MED1: variants seen among roughly 807,000 people sequenced by gnomAD.
MED1 encodes mediator complex subunit 1.
In MED1, 17 loss-of-function variants were observed where a neutral mutation model predicts 121.3. That is an observed-to-expected ratio of 0.14 (90% confidence interval 0.10 to 0.21). The LOEUF (loss-of-function observed/expected upper bound fraction) is 0.21, where lower values mean the gene tolerates loss of function less well. Among genes scored for constraint, MED1 ranks in the 10% least tolerant of loss-of-function variants. MED1 has a pLI of 1.00. For synonymous variants in MED1, 661 were observed against 694.4 expected (o/e 0.95, Z 0.76); for missense variants, 1,558 against 1,919.4 (o/e 0.81, Z 3.52).
intron 14 of MED1, among the ~76,000 whole-genome samples, chr17:39,415,944 C>A (rs2048405525): frequency 6.8e-6 from 1 of 147,746 alleles, no homozygotes; most frequent in South Asian, 2.1e-4. Flanking sequence ...GAGCCGAGAT[C>A]ATGTCACTGA....
At chr17:39,412,833 C>T (rs2048370009) in intron 16 of MED1, among the ~76,000 whole-genome samples, 1 of 152,056 alleles carries the variant, frequency 6.6e-6, no homozygotes, top group Non-Finnish European at 1.5e-5. Flanking sequence ...CCGCACCCGG[C>T]CGCAAATTTT....
At position 39,427,794 on chromosome 17, in the gene MED1, T is replaced by C; in HGVS notation, c.650-4A>G. 8.4e-6 allele frequency: 13 copies of C among 1,546,238 alleles called. No individual in the cohort carries two copies. Among genetic ancestry groups the C allele is most frequent in the Non-Finnish European group, 1.2e-5 (13 of 1,125,474 alleles). On this transcript the variant is annotated splice_region_variant and splice_polypyrimidine_tract_variant and intron_variant, in intron 9 of 16. Coordinates refer to ENST00000300651, the MANE Select transcript of MED1 (RefSeq NM_004774.4). ...TACTTCAGGTTCATTAAATGACCTA[T>C]AAAAAATAAAACTCATAACTGTATC...
chr17:39,438,169 C>G (rs191725385), intron 6 of MED1, among the ~76,000 whole-genome samples: 18 of 149,942 alleles, frequency 1.2e-4, no homozygotes, highest in Non-Finnish European at 2.2e-4. Context: ...GAAACCTCGT[C>G]TCTATTTTTT....
intron 7 of MED1, among the ~76,000 whole-genome samples, chr17:39,432,451 A>G (rs780134962): frequency 1.3e-5 from 2 of 151,890 alleles, no homozygotes; most frequent in African/African-American, 2.4e-5. Flanking sequence ...AAATATATAT[A>G]TATTTTTAAA....
At position 39,451,035 on chromosome 17, in the gene MED1, T is replaced by C; in HGVS notation, c.25+3A>G. ...CCCCCTCCTTTCCCCTACAGTCACT[T>C]ACCCTCGGTTTCCCCCTGAGCTTTC... On this transcript the variant is annotated splice_donor_region_variant and intron_variant, in intron 1 of 16. Transcript: ENST00000300651. 6.2e-7 allele frequency: 1 copy of C among 1,611,518 alleles called. No homozygotes were observed. Among genetic ancestry groups the C allele is most frequent in the South Asian group, 1.1e-5 (1 of 90,596 alleles).
In MED1 at chr17:39,405,634, A is replaced by C; in HGVS notation, c.*1841T>G. ...TCCTTAGTGTCACCCAAGACATTTG[A>C]CTCTGATGTGGTTAATTGATAACTT... On this transcript the variant is annotated 3_prime_UTR_variant, in exon 17 of 17. Transcript: ENST00000300651. The C allele has an allele frequency of 9.2e-7, 1 of 1,082,992 alleles. No homozygotes were observed. Among genetic ancestry groups the C allele is most frequent in the East Asian group, 6.0e-5 (1 of 16,630 alleles). 67.1% of individuals were successfully genotyped at this position (1,082,992 alleles called of 1,614,324 possible). A position where few individuals can be genotyped will look rare whatever the true frequency, so the allele number is the denominator to read the frequency against.
chr17:39,417,150 C>A (rs916949544), intron 14 of MED1, among the ~76,000 whole-genome samples: 1 of 151,574 alleles, frequency 6.6e-6, no homozygotes, highest in Admixed American at 6.6e-5. Context: ...GCCAACTCGA[C>A]GAAACCCCGT....
rs748472763 is a variant in MED1 at position 39,447,829 on chromosome 17, C to T, written c.101G>A (p.Ser34Asn). 22 of 1,613,648 alleles carry T rather than the reference C, an allele frequency of 1.4e-5. No homozygotes were observed. Among genetic ancestry groups the T allele is most frequent in the Admixed American group, 1.2e-4 (7 of 59,962 alleles). The change falls in exon 2 of 17, where the codon AGT (serine) becomes AAT (asparagine). Residue 34 changes from serine to asparagine, a missense_variant. This residue lies in a region of MED1 where 443 missense variants were observed against 532.4 expected (regional missense o/e 0.83). Transcript: ENST00000300651. ...HAKFNQNRPW[S>N]ETIKLVRQVM... ...TTGACGCACAAGCTTAATGGTTTCA[C>T]TCCAGGGTCTATTTTGGTTAAATTT...
At chr17:39,410,886 A>C (rs1392941882) in intron 16 of MED1, among the ~76,000 whole-genome samples, 165 bp from the exon 17 acceptor site, 1 of 152,256 alleles carries the variant, frequency 6.6e-6, no homozygotes, top group Non-Finnish European at 1.5e-5. Flanking sequence ...GGGTAAATAC[A>C]TTCTAAAAAT....
At chr17:39,416,034 G>A (rs1381102689) in intron 14 of MED1, among the ~76,000 whole-genome samples, 1 of 149,404 alleles carries the variant, frequency 6.7e-6, no homozygotes, top group African/African-American at 2.4e-5. Flanking sequence ...TTCCTTAAAT[G>A]TACAGACTGA....
chr17:39,449,258 G>A (rs2048758782), intron 1 of MED1, among the ~76,000 whole-genome samples: 1 of 152,130 alleles, frequency 6.6e-6, no homozygotes, highest in Non-Finnish European at 1.5e-5. Flanking sequence ...CTGGCTCACT[G>A]GAGCCTTGAC....
chr17:39,438,250 C>T (rs1416061573), intron 6 of MED1, among the ~76,000 whole-genome samples: 2 of 151,144 alleles, frequency 1.3e-5, no homozygotes, highest in African/African-American at 2.4e-5. Flanking sequence ...CAGCACACTA[C>T]AACCTCCGCC....
chr17:39,428,385 G>A (rs1479211977), intron 9 of MED1, among the ~76,000 whole-genome samples: 1 of 152,114 alleles, frequency 6.6e-6, no homozygotes, highest in Non-Finnish European at 1.5e-5. Flanking sequence ...GCAGGAGGCT[G>A]AGGCAGAAGA....
At chr17:39,428,247 G>C (rs571338853) in intron 9 of MED1, among the ~76,000 whole-genome samples, 1 of 152,250 alleles carries the variant, frequency 6.6e-6, no homozygotes, top group African/African-American at 2.4e-5. Flanking sequence ...AACTTTGGGA[G>C]GCCAAGGCAG....
At chr17:39,417,463 C>T (rs1198597398) in intron 14 of MED1, among the ~76,000 whole-genome samples, 1 of 151,770 alleles carries the variant, frequency 6.6e-6, no homozygotes, top group Non-Finnish European at 1.5e-5. Flanking sequence ...CCCGTTTCTA[C>T]TAAAAATACA....
At chr17:39,448,548 CAAAA>C (rs71147333) in intron 1 of MED1, among the ~76,000 whole-genome samples, 2 of 70,024 alleles carry the variant, frequency 2.9e-5, no homozygotes, top group Non-Finnish European at 3.1e-5. Context: ...GACATTGTGT[CAAAA>C]AAAAAAAAAA....
Position 39,410,319 on chromosome 17 carries a change from C to G in MED1, c.1902G>C (p.Ser634=), listed in dbSNP as rs375300269. The change falls in exon 17 of 17, where the codon TCG becomes TCC. Residue 634 remains serine, a synonymous_variant. Transcript: ENST00000300651. The part of the protein sequence containing the change: ...PPHHTPPPVS[S]MAGNTKNHPM... ...GGTGGTTCTTGGTGTTGCCGGCCAT[C>G]GAAGAGACAGGTGGCGGCGTGTGAT... 2 of 1,613,598 alleles carry G rather than the reference C, an allele frequency of 1.2e-6. No individual in the cohort carries two copies. Among genetic ancestry groups the G allele is most frequent in the Non-Finnish European group, 1.7e-6 (2 of 1,179,956 alleles).
chr17:39,422,059 T>C (rs1382985240), intron 13 of MED1, among the ~76,000 whole-genome samples: 2 of 138,648 alleles, frequency 1.4e-5, no homozygotes, highest in African/African-American at 5.4e-5. Context: ...ACCCGGGAGG[T>C]GGAGTTTGCA....
chr17:39,410,337 C>T lies in MED1; in HGVS notation c.1884G>A (p.Thr628=), dbSNP rs769316359. The T allele has an allele frequency of 9.9e-6, 16 of 1,613,540 alleles. No homozygotes were observed. The East Asian group carries it at 1.8e-4, about 18-fold the overall frequency. ...IGSSPTPPHH[T]PPPVSSMAGN... Reference sequence around the variant, plus strand: ...CGGCCATCGAAGAGACAGGTGGCGGCGTGTGATGAGGAGGGGTCGGACTCG... The same window carrying T: ...CGGCCATCGAAGAGACAGGTGGCGGTGTGTGATGAGGAGGGGTCGGACTCG... Residue 628 remains threonine, a synonymous_variant, in exon 17 of 17, where the codon ACG becomes ACA. Coordinates refer to ENST00000300651, the MANE Select transcript of MED1 (RefSeq NM_004774.4).
Sources: gnomAD v4.1 joint callset for allele counts (sites outside exome capture counted in the v4.1 genomes callset) on GRCh38, gnomAD v4.1.1 for gene constraint, gnomAD v4.1.1 regional missense constraint, MANE v1.5 for transcripts, NCBI Gene and HGNC (gene_info 2026-07-23, HGNC 2026-07-21) for gene names.